Variants in NLRP3 observed in about 807,000 individuals in gnomAD.
The protein encoded by NLRP3 is NLR family pyrin domain containing 3, also known as NACHT, LRR and PYD domains-containing protein 3.
In NLRP3, 48 loss-of-function variants were observed where a neutral mutation model predicts 91.3. The observed-to-expected ratio is 0.53, with a 90% CI of 0.42 to 0.67. The LOEUF is 0.67. Among genes scored for constraint, NLRP3 ranks in the 30% least tolerant of loss-of-function variants. The probability of loss-of-function intolerance (pLI) is 0.00; values close to 1 mark genes in which losing one functional copy is unlikely to be tolerated. For synonymous variants in NLRP3, 561 were observed against 507.9 expected, an observed-to-expected ratio of 1.10 and a Z score of -1.41; for missense variants, 982 against 1,276.9, an observed-to-expected ratio of 0.77 and a Z score of 3.52.
chr1:247,432,513 A>G (rs1443954925), intron 5 of NLRP3, among the ~76,000 whole-genome samples: 1 of 152,198 alleles, frequency 6.6e-6, no homozygotes, highest in Non-Finnish European at 1.5e-5. Context: ...TTCAAATCGT[A>G]GTGCCATGGA....
chr1:247,423,431 T>C, intron 3 of NLRP3, 82 bp downstream of exon 3: 5 of 1,537,574 alleles, frequency 3.3e-6, no homozygotes, highest in Non-Finnish European at 4.5e-6. Flanking sequence ...CTGGGTAACT[T>C]GGCCATACTA....
rs1218363259 is a variant in NLRP3, at chr1:247,438,295, C to T, written c.2663+2155C>T. ...TTAGGTCACTACTTAGTCTTTCCTG[C>T]TAATGTTATAGCTTCCCCCTCCCTG... On this transcript the variant is annotated intron_variant, in intron 7 of 9. Transcript: ENST00000336119. Among the ~76,000 whole-genome samples, 4 of 151,436 alleles carry T rather than the reference C, an allele frequency of 2.6e-5. No individual in the cohort carries two copies. In the East Asian group the frequency reaches 7.8e-4, roughly 29 times the overall value.
rs756111783 is a variant in NLRP3, at chr1:247,425,190, C to T, written c.1741C>T (p.Leu581=). 1 of 1,614,128 alleles carries T rather than the reference C, an allele frequency of 6.2e-7. No individual in the cohort carries two copies. Among genetic ancestry groups the T allele is most frequent in the Non-Finnish European group, 8.5e-7 (1 of 1,180,036 alleles). ...TTTTGTTGTACGTTTCCTCTTTGGC[C>T]TGGTAAACCAGGAGAGGACCTCCTA... The part of the protein sequence containing the change: ...LIFVVRFLFG[L]VNQERTSYLE... Residue 581 remains leucine (L), a synonymous_variant, in exon 4 of 10, where the codon CTG becomes TTG. Transcript: ENST00000336119. The surrounding 1 kb of genome is among the most constrained non-coding windows in gnomAD (Gnocchi z 4.1).
At chr1:247,429,856 G>C in intron 5 of NLRP3, 101 bp downstream of exon 5, 3 of 1,444,594 alleles carry the variant, frequency 2.1e-6, no homozygotes, top group Non-Finnish European at 2.9e-6. Context: ...TTGCTGGTGT[G>C]GTTTCTTTCT....
intron 2 of NLRP3, among the ~76,000 whole-genome samples, chr1:247,421,451 T>A (rs1441503990): frequency 1.3e-5 from 2 of 152,170 alleles, no homozygotes; most frequent in Non-Finnish European, 2.9e-5. Context: ...GGAGACCTCA[T>A]CTCTAAGTAA....
rs369953078 is a variant in NLRP3, at chr1:247,424,904, C to T, written c.1455C>T (p.Ser485=). ...ACCAGAAAATCCTGTTTGAGGAGTCCGACCTCAGGAATCATGGACTGCAGA... is the reference window on the plus strand; with the variant it reads ...ACCAGAAAATCCTGTTTGAGGAGTCTGACCTCAGGAATCATGGACTGCAGA... The part of the protein sequence containing the change: ...IWNQKILFEE[S]DLRNHGLQKA... The change falls in exon 4 of 10, where the codon TCC becomes TCT. Residue 485 remains serine (S), a synonymous_variant. Coordinates refer to ENST00000336119, the MANE Select transcript of NLRP3 (RefSeq NM_001243133.2). This position sits in a 1 kb window ranked among gnomAD's most constrained non-coding sequence, Gnocchi z 8.1. The T allele has an allele frequency of 3.3e-5, 53 of 1,611,402 alleles. No individual in the cohort carries two copies. Among genetic ancestry groups the T allele is most frequent in the Middle Eastern group, 1.6e-4 (1 of 6,084 alleles).
Position 247,424,551 on chromosome 1 carries a change from A to C in NLRP3, c.1102A>C (p.Ile368Leu), listed in dbSNP as rs200735245. The change falls in exon 4 of 10, where the codon ATC (isoleucine) becomes CTC (leucine). Residue 368 changes from isoleucine to leucine, a missense_variant. By Grantham distance (5) the Ile-to-Leu change is conservative. This residue lies in a region of NLRP3 where 548 missense variants were observed against 713.7 expected (regional missense o/e 0.77). Transcript: ENST00000336119. This position sits in a 1 kb window ranked among gnomAD's most constrained non-coding sequence, Gnocchi z 8.1. ...HLLDHPRHVE[I>L]LGFSEAKRKE... ...GCTGGACCATCCTCGGCATGTGGAG[A>C]TCCTGGGTTTCTCCGAGGCCAAAAG... 29 of 1,614,048 alleles carry C rather than the reference A, an allele frequency of 1.8e-5. No individual in the cohort carries two copies. Among genetic ancestry groups the C allele is most frequent in the African/African-American group, 2.7e-5 (2 of 74,910 alleles).
chr1:247,419,472 T>A (rs939930076), intron 2 of NLRP3, among the ~76,000 whole-genome samples: 2 of 152,158 alleles, frequency 1.3e-5, no homozygotes, highest in African/African-American at 4.8e-5. Context: ...TTTTTAAATG[T>A]ACAGTTCAGT....
At chr1:247,428,198 G>A (rs111450761) in intron 4 of NLRP3, among the ~76,000 whole-genome samples, 10 of 73,008 alleles carry the variant, frequency 1.4e-4, no homozygotes, top group African/African-American at 5.0e-4. Context: ...AGACTCTGAC[G>A]GGAGCCCTGG....
chr1:247,434,395 C>A (rs538478147), intron 6 of NLRP3, 122 bp downstream of exon 6: 1 of 998,822 alleles, frequency 1.0e-6, no homozygotes, highest in Non-Finnish European at 1.6e-6. Flanking sequence ...CGGGTGACTG[C>A]GTGTGCTTGT....
chr1:247,448,056 G>A (rs891748237), intron 9 of NLRP3, among the ~76,000 whole-genome samples: 2 of 151,624 alleles, frequency 1.3e-5, no homozygotes, highest in Admixed American at 1.3e-4. Context: ...CCGTGGGAGG[G>A]GCCTCCTCTG....
rs139833874 is a variant in NLRP3, at chr1:247,425,088, A to T, written c.1639A>T (p.Ser547Cys). ...GGAAGGAAGGACGAACGTTCCAGGG[A>T]GTCGTTTGAAGCTTCCCAGCCGAGA... ...EKEGRTNVPGSRLKLPSRDVT... is the reference protein window; with the variant it reads ...EKEGRTNVPGCRLKLPSRDVT... The change falls in exon 4 of 10, where the codon AGT (serine) becomes TGT (cysteine). Residue 547 changes from serine to cysteine, a missense_variant. This residue lies in a region of NLRP3 where 548 missense variants were observed against 713.7 expected (regional missense o/e 0.77). Transcript: ENST00000336119. The surrounding 1 kb of genome is among the most constrained non-coding windows in gnomAD (Gnocchi z 4.1). 281 of 1,614,140 alleles carry T rather than the reference A, an allele frequency of 1.7e-4. 1 individual carries two copies. In the African/African-American group the frequency reaches 3.2e-3, roughly 18 times the overall value.
At chr1:247,427,663 TC>T (rs1451073391) in intron 4 of NLRP3, among the ~76,000 whole-genome samples, 1 of 143,320 alleles carries the variant, frequency 7.0e-6, no homozygotes, top group African/African-American at 2.6e-5. Flanking sequence ...GATAGCACCT[TC>T]CTTCCTCTGA....
chr1:247,440,301 G>A (rs1022403760), intron 7 of NLRP3, among the ~76,000 whole-genome samples: 2 of 152,104 alleles, frequency 1.3e-5, no homozygotes, highest in Non-Finnish European at 2.9e-5. Flanking sequence ...ACCTGCTCCT[G>A]CCCTCTTCCT....
intron 5 of NLRP3, among the ~76,000 whole-genome samples, chr1:247,433,623 T>C (rs1042251880): frequency 2.0e-5 from 3 of 152,158 alleles, no homozygotes; most frequent in African/African-American, 7.2e-5. Flanking sequence ...GCTTTCTCTA[T>C]TCCAGAGCTC....
Position 247,424,757 on chromosome 1 carries a change from C to T in NLRP3, c.1308C>T (p.Thr436=), listed in dbSNP as rs1458498869. The change falls in exon 4 of 10, where the codon ACC becomes ACT. Residue 436 remains threonine (T), a synonymous_variant. Transcript: ENST00000336119. This position sits in a 1 kb window ranked among gnomAD's most constrained non-coding sequence, Gnocchi z 8.1. ...AGAGCCTTGCCCAGACATCCAAGAC[C>T]ACCACCGCGGTGTACGTCTTCTTCC... ...SGKSLAQTSK[T]TTAVYVFFLS... The T allele has an allele frequency of 6.2e-7, 1 of 1,613,116 alleles. No individual in the cohort carries two copies. Among genetic ancestry groups the T allele is most frequent in the African/African-American group, 1.3e-5 (1 of 75,026 alleles).
In NLRP3 at chr1:247,424,805, G is replaced by T; in HGVS notation, c.1356G>T (p.Arg452=). The part of the protein sequence containing the change: ...VFFLSSLLQP[R]GGSQEHGLCA... ...TCCTTTCCAGTTTGCTGCAGCCCCGGGGAGGGAGCCAGGAGCACGGCCTCT... is the reference window on the plus strand; with the variant it reads ...TCCTTTCCAGTTTGCTGCAGCCCCGTGGAGGGAGCCAGGAGCACGGCCTCT... Residue 452 remains arginine (R), a synonymous_variant, in exon 4 of 10, where the codon CGG becomes CGT. Coordinates refer to ENST00000336119, the MANE Select transcript of NLRP3 (RefSeq NM_001243133.2). This position sits in a 1 kb window ranked among gnomAD's most constrained non-coding sequence, Gnocchi z 8.1. 6.2e-7 allele frequency: 1 copy of T among 1,609,180 alleles called. No homozygotes were observed. Among genetic ancestry groups the T allele is most frequent in the Non-Finnish European group, 8.5e-7 (1 of 1,180,008 alleles).
At chr1:247,432,447 G>A (rs1306291926) in intron 5 of NLRP3, among the ~76,000 whole-genome samples, 1 of 152,172 alleles carries the variant, frequency 6.6e-6, no homozygotes, top group Non-Finnish European at 1.5e-5. Flanking sequence ...CTATGGCTGA[G>A]CAGTATTCCA....
chr1:247,430,254 G>C (rs1404020574), intron 5 of NLRP3, among the ~76,000 whole-genome samples: 6 of 152,168 alleles, frequency 3.9e-5, no homozygotes, highest in Non-Finnish European at 1.5e-5. Context: ...TTGCAGTTCT[G>C]AGGCCGAAAG....
Sources: gnomAD v4.1 joint callset for allele counts (sites outside exome capture counted in the v4.1 genomes callset) on GRCh38, gnomAD v4.1.1 for gene constraint, gnomAD v4.1.1 regional missense constraint, Gnocchi (gnomAD v3.1) non-coding constraint, MANE v1.5 for transcripts, NCBI Gene and HGNC (gene_info 2026-07-23, HGNC 2026-07-21) for gene names.